RGL1: variants seen among roughly 807,000 people sequenced by gnomAD.
The protein encoded by RGL1 is ral guanine nucleotide dissociation stimulator-like 1.
RGL1 carries 24 observed loss-of-function variants against 95.2 expected under a neutral mutation model. The ratio of observed to expected loss-of-function variants is 0.25; its 90% CI spans 0.18 to 0.35. The LOEUF (loss-of-function observed/expected upper bound fraction) is 0.35. Among genes scored for constraint, RGL1 ranks in the 10% least tolerant of loss-of-function variants. The pLI, the probability that RGL1 is intolerant of heterozygous loss-of-function variation, is 1.00. For synonymous variants in RGL1, 329 were observed against 344.9 expected (o/e 0.95, Z 0.51); for missense variants, 715 against 936.3 (o/e 0.76, Z 3.08).
chr1:183,829,992 A>T (rs1663150206), intron 2 of RGL1, among the ~76,000 whole-genome samples: 1 of 152,148 alleles, frequency 6.6e-6, no homozygotes. Context: ...TGTTGGCTTC[A>T]TGAGGATAGG....
intron 2 of RGL1, among the ~76,000 whole-genome samples, chr1:183,772,020 G>C (rs1659304517): frequency 6.6e-6 from 1 of 152,254 alleles, no homozygotes; most frequent in Admixed American, 6.5e-5. Context: ...AGTTTGGCCA[G>C]GGCAGTCGGA....
At chr1:183,752,633 C>CTCA (rs1658078457) in intron 2 of RGL1, among the ~76,000 whole-genome samples, 1 of 146,538 alleles carries the variant, frequency 6.8e-6, no homozygotes, top group South Asian at 2.1e-4. Context: ...TTCCTTTGTA[C>CTCA]TTATTCTGAG....
At chr1:183,922,648 G>C (rs1669378970) in intron 17 of RGL1, among the ~76,000 whole-genome samples, 1 of 151,950 alleles carries the variant, frequency 6.6e-6, no homozygotes, top group Non-Finnish European at 1.5e-5. Flanking sequence ...AGGAGGCAGA[G>C]GGTAGGGGAG....
intron 1 of RGL1, among the ~76,000 whole-genome samples, chr1:183,639,208 G>A (rs866928257): frequency 1.1e-4 from 16 of 151,496 alleles, no homozygotes; most frequent in Middle Eastern, 3.4e-3. Context: ...TTGAACCTAG[G>A]AGGCGGAGAT....
At chr1:183,824,937 C>T (rs140535081) in intron 2 of RGL1, among the ~76,000 whole-genome samples, 220 of 152,284 alleles carry the variant, frequency 1.4e-3, no homozygotes, top group African/African-American at 5.1e-3. Flanking sequence ...CTGCAGCAAC[C>T]ATTTTTCATA....
chr1:183,697,230 C>T (rs1030480240), intron 1 of RGL1, among the ~76,000 whole-genome samples: 1 of 152,136 alleles, frequency 6.6e-6, no homozygotes, highest in Admixed American at 6.6e-5. Context: ...CAAGTCTTTG[C>T]TTAGATGATA....
At chr1:183,655,324 C>T (rs936312116) in intron 1 of RGL1, among the ~76,000 whole-genome samples, 1 of 152,154 alleles carries the variant, frequency 6.6e-6, no homozygotes, top group African/African-American at 2.4e-5. Flanking sequence ...CTTTGGGTGG[C>T]AGGAAGTAAA....
At chr1:183,777,651 T>A (rs1659668986) in intron 2 of RGL1, among the ~76,000 whole-genome samples, 1 of 152,220 alleles carries the variant, frequency 6.6e-6, no homozygotes, top group Admixed American at 6.5e-5. Context: ...GAGATTGTGA[T>A]TTGCCCAAAG....
intron 2 of RGL1, among the ~76,000 whole-genome samples, chr1:183,829,923 T>G (rs1305857156): frequency 6.6e-6 from 1 of 152,186 alleles, no homozygotes; most frequent in Non-Finnish European, 1.5e-5. Context: ...CAGCTTTTTA[T>G]AGGGAGCAAT....
At chr1:183,876,074 A>G (rs1666480218) in intron 4 of RGL1, among the ~76,000 whole-genome samples, 2 of 151,888 alleles carry the variant, frequency 1.3e-5, no homozygotes, top group African/African-American at 2.4e-5. Flanking sequence ...CTTTCACATC[A>G]TTTCCTCAGG....
At chr1:183,792,154 T>C (rs1660468191) in intron 2 of RGL1, among the ~76,000 whole-genome samples, 1 of 152,104 alleles carries the variant, frequency 6.6e-6, no homozygotes, top group African/African-American at 2.4e-5. Context: ...TCTTAAAACC[T>C]TGCAGTTTTG....
intron 2 of RGL1, among the ~76,000 whole-genome samples, chr1:183,808,840 G>T (rs191474610): frequency 6.6e-6 from 1 of 151,872 alleles, no homozygotes; most frequent in African/African-American, 2.4e-5. Context: ...CTATGAAGTG[G>T]TAAACACCAG....
chr1:183,887,499 T>A (rs10911459), intron 7 of RGL1, among the ~76,000 whole-genome samples: 2,385 of 152,228 alleles, frequency 0.016, 79 homozygotes, highest in African/African-American at 0.055. Context: ...ACCAAATACG[T>A]GCTCACATGG....
intron 1 of RGL1, among the ~76,000 whole-genome samples, chr1:183,680,340 A>G (rs1346621572): frequency 6.6e-6 from 1 of 152,088 alleles, no homozygotes; most frequent in East Asian, 1.9e-4. Flanking sequence ...TAGGGTTTTT[A>G]TGTTTTAGGT....
chr1:183,878,090 G>T (rs1666612561), intron 4 of RGL1, among the ~76,000 whole-genome samples: 1 of 152,112 alleles, frequency 6.6e-6, no homozygotes. Flanking sequence ...GATAGATCTA[G>T]AGGTAATGAT....
At chr1:183,648,468 A>C in intron 1 of RGL1, 10 of 1,614,252 alleles carry the variant, frequency 6.2e-6, no homozygotes, top group Non-Finnish European at 8.5e-6. Context: ...GGCTGAGTCA[A>C]GATAACCATT....
intron 1 of RGL1, among the ~76,000 whole-genome samples, chr1:183,682,162 A>G (rs562180260): frequency 6.6e-5 from 10 of 152,086 alleles, no homozygotes; most frequent in African/African-American, 2.2e-4. Flanking sequence ...TTGTGTCTCT[A>G]TCTCCTTGAG....
intron 1 of RGL1, among the ~76,000 whole-genome samples, chr1:183,641,201 C>A (rs549816459): frequency 6.6e-6 from 1 of 152,250 alleles, no homozygotes; most frequent in East Asian, 1.9e-4. Context: ...GTGGTATGAT[C>A]TTGGCTTACT....
intron 1 of RGL1, among the ~76,000 whole-genome samples, chr1:183,657,436 C>T (rs1319375813): frequency 6.6e-6 from 1 of 152,154 alleles, no homozygotes; most frequent in East Asian, 1.9e-4. Context: ...GCTATCCCTC[C>T]CCGCTCCCTC....
Sources: allele counts gnomAD v4.1 joint callset (sites outside exome capture counted in the v4.1 genomes callset), GRCh38; gene constraint gnomAD v4.1.1; transcripts MANE v1.5; gene names NCBI Gene and HGNC (gene_info 2026-07-23, HGNC 2026-07-21).